ZSWIM5: variants seen among roughly 807,000 people sequenced by gnomAD.
The protein encoded by ZSWIM5 is zinc finger SWIM domain-containing protein 5.
Under a neutral mutation model 119.6 loss-of-function variants are expected in ZSWIM5, and 55 were observed. The observed-to-expected ratio is 0.46, with a 90% CI of 0.37 to 0.58. The LOEUF (loss-of-function observed/expected upper bound fraction) is 0.58. ZSWIM5 is among the 20% of genes least tolerant of loss of function. ZSWIM5 has a pLI of 0.00. For missense variants in ZSWIM5, 1,193 were observed against 1,512.8 expected, an observed-to-expected ratio of 0.79 and a Z score of 3.51; for synonymous variants, 537 against 606.9, an observed-to-expected ratio of 0.88 and a Z score of 1.69.
intron 1 of ZSWIM5, among the ~76,000 whole-genome samples, chr1:45,191,017 T>C (rs927479889): frequency 7.4e-6 from 1 of 134,588 alleles, no homozygotes; most frequent in Non-Finnish European, 1.5e-5. Context: ...CGCTATCTCC[T>C]CTCACTGCAA....
chr1:45,084,187 G>C (rs1198267386), intron 2 of ZSWIM5, among the ~76,000 whole-genome samples: 1 of 152,098 alleles, frequency 6.6e-6, no homozygotes, highest in East Asian at 1.9e-4. Flanking sequence ...TGAGATTACA[G>C]GTGTGAGCCT....
chr1:45,125,479 A>G (rs1645615021), intron 1 of ZSWIM5, among the ~76,000 whole-genome samples: 1 of 126,100 alleles, frequency 7.9e-6, no homozygotes, highest in East Asian at 2.1e-4. Context: ...GAACTGCTTT[A>G]CATCAAAAAA....
chr1:45,135,805 A>C (rs953590363), intron 1 of ZSWIM5, among the ~76,000 whole-genome samples: 1 of 152,062 alleles, frequency 6.6e-6, no homozygotes, highest in African/African-American at 2.4e-5. Context: ...AATGGTAGAA[A>C]ATTTTCAGGA....
rs370579048 is a variant in ZSWIM5, at chr1:45,052,274, C to A, written c.1253-1021G>T. 5.3e-5 allele frequency among the ~76,000 whole-genome samples: 8 copies of A among 152,234 alleles called. No homozygotes were observed. In the East Asian group the frequency reaches 7.7e-4, roughly 15 times the overall value. ...CTCCTGACCTCAGGTGATCCACTCG[C>A]CTTGGCCTCCCAAAGTGCTGGGATT... On this transcript the variant is annotated intron_variant, in intron 4 of 13. Transcript: ENST00000359600.
At chr1:45,188,542 T>C (rs148419002) in intron 1 of ZSWIM5, among the ~76,000 whole-genome samples, 3 of 152,258 alleles carry the variant, frequency 2.0e-5, no homozygotes, top group African/African-American at 7.2e-5. Flanking sequence ...CCTGTGAATA[T>C]AGTAAAAGCC....
intron 2 of ZSWIM5, among the ~76,000 whole-genome samples, chr1:45,075,913 C>T (rs2149006590): frequency 7.0e-6 from 1 of 143,540 alleles, no homozygotes. Flanking sequence ...TACCATGAGG[C>T]TTGCAAATAC....
intron 8 of ZSWIM5, among the ~76,000 whole-genome samples, chr1:45,036,650 C>T (rs1021892948): frequency 2.6e-5 from 4 of 151,970 alleles, no homozygotes; most frequent in African/African-American, 4.8e-5. Flanking sequence ...CCACCGTATT[C>T]GGCCTAGTCT....
intron 1 of ZSWIM5, among the ~76,000 whole-genome samples, chr1:45,121,647 T>G (rs1024850772): frequency 8.0e-5 from 12 of 150,650 alleles, no homozygotes; most frequent in African/African-American, 2.9e-4. Flanking sequence ...TTGCCTAGGC[T>G]GGAGTGCAGT....
At chr1:45,079,517 T>C (rs950390788) in intron 2 of ZSWIM5, among the ~76,000 whole-genome samples, 28 of 152,092 alleles carry the variant, frequency 1.8e-4, no homozygotes, top group Admixed American at 3.3e-4. Flanking sequence ...TTCAGGGCAG[T>C]GCACTCCCCA....
intron 1 of ZSWIM5, among the ~76,000 whole-genome samples, chr1:45,106,330 G>A (rs187572192): frequency 0.018 from 2,525 of 141,716 alleles, 66 homozygotes; most frequent in African/African-American, 0.064. Flanking sequence ...GGTGGGGAGC[G>A]CCTCTGCCCG....
intron 1 of ZSWIM5, among the ~76,000 whole-genome samples, chr1:45,126,824 T>C (rs1391779193): frequency 2.6e-5 from 4 of 152,158 alleles, no homozygotes; most frequent in Non-Finnish European, 1.5e-5. Context: ...CCCCAAATCA[T>C]TTTATTAGAA....
intron 4 of ZSWIM5, among the ~76,000 whole-genome samples, chr1:45,053,047 T>G (rs1645098838): frequency 6.7e-6 from 1 of 148,434 alleles, no homozygotes; most frequent in South Asian, 2.1e-4. Flanking sequence ...CGGTTGAATC[T>G]GGGAGGCGGA....
chr1:45,083,568 G>T (rs192893190), intron 2 of ZSWIM5, among the ~76,000 whole-genome samples: 1 of 152,226 alleles, frequency 6.6e-6, no homozygotes, highest in East Asian at 1.9e-4. Flanking sequence ...TCTTTCTGAG[G>T]TTGTTTGTAA....
chr1:45,051,299 T>G (rs916631706), intron 4 of ZSWIM5, 46 bp from the exon 5 acceptor site: 1 of 1,562,126 alleles, frequency 6.4e-7, no homozygotes, highest in African/African-American at 1.4e-5. Flanking sequence ...TCCTTTGATG[T>G]GTGTGTAAGC....
At chr1:45,194,724 A>G (rs1299204011) in intron 1 of ZSWIM5, among the ~76,000 whole-genome samples, 1 of 152,032 alleles carries the variant, frequency 6.6e-6, no homozygotes, top group Non-Finnish European at 1.5e-5. Context: ...AAAAATACAA[A>G]AAATCAGCCA....
chr1:45,189,365 AAAGT>A (rs1362077677), intron 1 of ZSWIM5, among the ~76,000 whole-genome samples: 2 of 152,174 alleles, frequency 1.3e-5, no homozygotes, highest in East Asian at 1.9e-4. Context: ...GACAACACAC[AAAGT>A]AATAATCTGA....
chr1:45,071,310 ATCTC>A (rs1645220466), intron 2 of ZSWIM5, among the ~76,000 whole-genome samples: 1 of 151,918 alleles, frequency 6.6e-6, no homozygotes, highest in Non-Finnish European at 1.5e-5. Context: ...CTTCTACTCT[ATCTC>A]TATGAGCTCA....
At chr1:45,050,817 G>T (rs529932298) in intron 5 of ZSWIM5, among the ~76,000 whole-genome samples, 1 of 152,132 alleles carries the variant, frequency 6.6e-6, no homozygotes, top group African/African-American at 2.4e-5. Flanking sequence ...CAGGAGTCAC[G>T]CAGAGGCTCT....
At chr1:45,185,326 G>A (rs1010637581) in intron 1 of ZSWIM5, among the ~76,000 whole-genome samples, 24 of 150,890 alleles carry the variant, frequency 1.6e-4, no homozygotes, top group Non-Finnish European at 3.0e-4. Flanking sequence ...TTACCATTCA[G>A]GACATAGGCA....
Sources: gnomAD v4.1 joint callset for allele counts (sites outside exome capture counted in the v4.1 genomes callset) on GRCh38, gnomAD v4.1.1 for gene constraint, MANE v1.5 for transcripts, NCBI Gene and HGNC (gene_info 2026-07-23, HGNC 2026-07-21) for gene names.